Variants in MYO18B observed in about 807,000 individuals in gnomAD.
MYO18B encodes myosin XVIIIB.
A neutral mutation model predicts 273.0 loss-of-function variants in MYO18B; 204 were observed. The observed-to-expected ratio is 0.75, with a 90% CI of 0.67 to 0.84. The LOEUF is 0.84. MYO18B is among the 40% of genes least tolerant of loss of function. MYO18B has a pLI of 0.00. For synonymous variants in MYO18B, 1,330 were observed against 1,305.7 expected (o/e 1.02, Z -0.40); for missense variants, 3,212 against 3,287.6 (o/e 0.98, Z 0.56).
At chr22:25,821,943 C>T (rs1452780957) in intron 12 of MYO18B, among the ~76,000 whole-genome samples, 1 of 152,204 alleles carries the variant, frequency 6.6e-6, no homozygotes, top group Non-Finnish European at 1.5e-5. Context: ...TTACTTTTTA[C>T]AGCAGTTTAG....
chr22:25,845,336 G>T (rs1306953884), intron 18 of MYO18B, among the ~76,000 whole-genome samples: 1 of 152,208 alleles, frequency 6.6e-6, no homozygotes, highest in Non-Finnish European at 1.5e-5. Flanking sequence ...GGCCAACATG[G>T]TGAAACCCTG....
intron 12 of MYO18B, among the ~76,000 whole-genome samples, chr22:25,806,187 G>A (rs1303150234): frequency 1.3e-5 from 2 of 152,214 alleles, no homozygotes; most frequent in Non-Finnish European, 2.9e-5. Flanking sequence ...GAGGTGCGAT[G>A]AGGGATGTGA....
At chr22:25,742,929 A>G (rs1015009683) in intron 1 of MYO18B, among the ~76,000 whole-genome samples, 2 of 152,226 alleles carry the variant, frequency 1.3e-5, no homozygotes, top group Non-Finnish European at 2.9e-5. Flanking sequence ...TGAATGAAGA[A>G]GATTCACAGG....
At chr22:25,777,916 T>C (rs2086979695) in intron 8 of MYO18B, 135 bp downstream of exon 8, 2 of 811,214 alleles carry the variant, frequency 2.5e-6, no homozygotes, top group African/African-American at 3.5e-5. Flanking sequence ...CCATGCTTGC[T>C]ACTGGGCAGG....
intron 31 of MYO18B, among the ~76,000 whole-genome samples, chr22:25,906,167 C>T (rs940176931): frequency 2.6e-5 from 4 of 152,116 alleles, no homozygotes; most frequent in African/African-American, 9.7e-5. Context: ...TGTAGACATC[C>T]AGTGGATATT....
intron 7 of MYO18B, among the ~76,000 whole-genome samples, chr22:25,777,146 C>T (rs1299690327): frequency 3.3e-5 from 5 of 152,164 alleles, no homozygotes; most frequent in Non-Finnish European, 7.3e-5. Context: ...TCTGTTATGG[C>T]AAATATATAG....
chr22:25,988,663 A>C (rs1474425741), intron 39 of MYO18B, among the ~76,000 whole-genome samples: 2 of 152,324 alleles, frequency 1.3e-5, no homozygotes, highest in East Asian at 3.9e-4. Flanking sequence ...TGACCTTGGC[A>C]AATCTCCACA....
chr22:25,765,089 G>A lies in MYO18B; in HGVS notation c.198+1700G>A, dbSNP rs573883114. Among the ~76,000 whole-genome samples the A allele has an allele frequency of 1.7e-3, 265 of 152,248 alleles. 1 individual carries two copies. Among genetic ancestry groups the A allele is most frequent in the African/African-American group, 5.9e-3 (247 of 41,546 alleles). ...GCAGCGCTGGTGTCACTGTGAGCAA[G>A]TAAAGAGGCAGAGTTAAGCCATGGA... On this transcript the variant is annotated intron_variant, in intron 3 of 43. Coordinates refer to ENST00000335473, the MANE Select transcript of MYO18B (RefSeq NM_032608.7).
At chr22:25,868,419 A>G (rs1241655777) in intron 22 of MYO18B, 34 bp downstream of exon 22, 5 of 1,544,158 alleles carry the variant, frequency 3.2e-6, no homozygotes, top group African/African-American at 1.4e-5. Context: ...ACATTCGCCC[A>G]TCACATCAGG....
intron 12 of MYO18B, among the ~76,000 whole-genome samples, chr22:25,804,029 C>A (rs1291428575): frequency 1.4e-5 from 2 of 145,964 alleles, no homozygotes; most frequent in East Asian, 4.1e-4. Flanking sequence ...AGAGACTAAA[C>A]CACAGAGGGA....
chr22:25,769,631 G>A (rs1205573410), intron 4 of MYO18B, among the ~76,000 whole-genome samples: 1 of 152,172 alleles, frequency 6.6e-6, no homozygotes, highest in African/African-American at 2.4e-5. Context: ...AGTTTCCATT[G>A]CACCTGCCCT....
chr22:25,995,012 G>T (rs527330728), intron 40 of MYO18B, among the ~76,000 whole-genome samples: 1 of 152,328 alleles, frequency 6.6e-6, no homozygotes, highest in Admixed American at 6.5e-5. Flanking sequence ...CAGGCTGGAA[G>T]AAGGTGCAAC....
At chr22:26,038,112 C>T in the MYO18B span, among the ~76,000 whole-genome samples, 3 of 152,200 alleles carry the variant, frequency 2.0e-5, no homozygotes, top group African/African-American at 7.2e-5. Flanking sequence ...AGACTTCAAC[C>T]TAGTGTTTTC....
chr22:25,996,981 C>G (rs1344565675), intron 40 of MYO18B, among the ~76,000 whole-genome samples: 1 of 152,106 alleles, frequency 6.6e-6, no homozygotes, highest in Non-Finnish European at 1.5e-5. Flanking sequence ...TGCCCCAGTG[C>G]CCCAGGCAGG....
intron 11 of MYO18B, among the ~76,000 whole-genome samples, chr22:25,790,684 T>G (rs2087623033): frequency 6.6e-6 from 1 of 152,252 alleles, no homozygotes; most frequent in Non-Finnish European, 1.5e-5. Context: ...AATCACATCT[T>G]TTCAATTTTC....
chr22:25,902,131 C>T (rs2091950280), intron 29 of MYO18B, among the ~76,000 whole-genome samples: 2 of 152,134 alleles, frequency 1.3e-5, no homozygotes, highest in Admixed American at 1.3e-4. Context: ...AGCCACCATG[C>T]CTGGCCACCT....
At position 25,847,584 on chromosome 22, in the gene MYO18B, A is replaced by G. The variant is rs770184117; in HGVS notation, c.3707A>G (p.Asp1236Gly). 1.9e-6 allele frequency: 3 copies of G among 1,566,568 alleles called. No individual in the cohort carries two copies. Among genetic ancestry groups the G allele is most frequent in the Non-Finnish European group, 1.7e-6 (2 of 1,155,730 alleles). ...KPGAGGPLAL[D>G]IPALRVQLAG... ...GGGGCAGGTGGACCTCTGGCCCTGG[A>G]TATCCCAGCACTGAGGGTCCAGCTT... Residue 1236 changes from aspartate (D) to glycine (G), a missense_variant, in exon 20 of 44, where the codon GAT becomes GGT. Coordinates refer to ENST00000335473, the MANE Select transcript of MYO18B (RefSeq NM_032608.7).
chr22:25,945,703 T>TCGCCTCCCCTCCC (rs200665457), intron 34 of MYO18B, among the ~76,000 whole-genome samples: 1 of 33,076 alleles, frequency 3.0e-5, no homozygotes, highest in African/African-American at 1.4e-4. Flanking sequence ...TCGCCTCCCC[T>TCGCCTCCCCTCCC]CTCCCCTCGC....
chr22:25,847,527 C>A lies in MYO18B; in HGVS notation c.3650C>A (p.Pro1217Gln). 1 of 1,575,932 alleles carries A rather than the reference C, an allele frequency of 6.3e-7. No homozygotes were observed. Among genetic ancestry groups the A allele is most frequent in the Admixed American group, 1.8e-5 (1 of 54,572 alleles). The change falls in exon 20 of 44, where the codon CCA (proline) becomes CAA (glutamine). Residue 1217 changes from proline to glutamine, a missense_variant. Coordinates refer to ENST00000335473, the MANE Select transcript of MYO18B (RefSeq NM_032608.7). The stretch of plus-strand genomic sequence containing the variant: ...GAAAGCAGGAGTGGGCAGGAATCTC[C>A]ACCACCACCGCAGCCTGGTAGAGAC... ...VVESRSGQES[P>Q]PPPQPGRDKP...
Sources: allele counts gnomAD v4.1 joint callset (sites outside exome capture counted in the v4.1 genomes callset), GRCh38; gene constraint gnomAD v4.1.1; transcripts MANE v1.5; gene names NCBI Gene and HGNC (gene_info 2026-07-23, HGNC 2026-07-21).